Variants in MUC5B observed in about 807,000 individuals in gnomAD.
MUC5B encodes mucin 5B, oligomeric mucus/gel-forming.
MUC5B carries 116 observed loss-of-function variants against 376.9 expected under a neutral mutation model. That is an observed-to-expected ratio of 0.31 (90% CI 0.26 to 0.36). MUC5B has a LOEUF of 0.36. Ranked by LOEUF, MUC5B falls within the 10% of genes least tolerant of loss-of-function variation. The probability of loss-of-function intolerance (pLI) is 1.00; values close to 1 mark genes in which losing one functional copy is unlikely to be tolerated. For missense variants in MUC5B, 7,165 were observed against 7,769.9 expected (o/e 0.92, Z 2.93); for synonymous variants, 3,517 against 3,390.9 (o/e 1.04, Z -1.29).
rs771910415 is a variant in MUC5B at position 1,244,748 on chromosome 11, G to A, written c.7868G>A (p.Ser2623Asn). Residue 2623 changes from serine (S) to asparagine (N), a missense_variant, in exon 31 of 49, where the codon AGC (serine) becomes AAC (asparagine). Transcript: ENST00000529681. The stretch of plus-strand genomic sequence containing the variant: ...GGCTTCACAGCCACCCCCTCCTCCA[G>A]CCCAGGGACGGCACGCACGCTTCCA... ...TTGFTATPSSSPGTARTLPVW... is the reference protein window; with the variant it reads ...TTGFTATPSSNPGTARTLPVW... The A allele has an allele frequency of 6.8e-6, 11 of 1,611,710 alleles. No homozygotes were observed. Among genetic ancestry groups the A allele is most frequent in the Non-Finnish European group, 8.5e-6 (10 of 1,178,868 alleles).
intron 1 of MUC5B, among the ~76,000 whole-genome samples, chr11:1,225,479 G>A (rs181266943): frequency 1.6e-4 from 25 of 152,342 alleles, no homozygotes; most frequent in African/African-American, 5.3e-4. Context: ...TGCGGCTGAC[G>A]GTTGGGGTGG....
chr11:1,223,312 G>C lies in MUC5B; in HGVS notation c.70+119G>C. ...CGGGCAGATCCCCCTACGACTCCCT[G>C]AGTGTCCTGGATGGGACCCTACCCG... On this transcript the variant is annotated intron_variant, in intron 1 of 48. Transcript: ENST00000529681. 3 of 693,344 alleles carry C rather than the reference G, an allele frequency of 4.3e-6. No homozygotes were observed. In the Admixed American group the frequency reaches 6.0e-5, roughly 14 times the overall value. 42.9% of individuals were successfully genotyped at this position (693,344 alleles called of 1,614,324 possible).
Position 1,243,494 on chromosome 11 carries a change from G to A in MUC5B, c.6614G>A (p.Ser2205Asn). ...ACACACGGGCGATCCCTGCCCCCCA[G>A]CAGTCCCCACACGGTGCGCACAGCC... ...ATTHGRSLPP[S>N]SPHTVRTAWT... is the part of the protein sequence containing the mutation. The change falls in exon 31 of 49, where the codon AGC becomes AAC. Residue 2205 changes from serine to asparagine, a missense_variant. Physicochemically the swap from Ser to Asn is conservative, Grantham distance 46. This residue lies in a region of MUC5B where 67 missense variants were observed against 103.0 expected (regional missense o/e 0.65). Transcript: ENST00000529681. The A allele has an allele frequency of 6.3e-7, 1 of 1,590,586 alleles. No individual in the cohort carries two copies. Among genetic ancestry groups the A allele is most frequent in the Non-Finnish European group, 8.5e-7 (1 of 1,170,226 alleles).
Position 1,251,261 on chromosome 11 carries a change from C to T in MUC5B, c.14381C>T (p.Thr4794Ile), listed in dbSNP as rs371253557. The T allele has an allele frequency of 1.9e-5, 31 of 1,611,432 alleles. 4 individuals carry two copies. Among genetic ancestry groups the T allele is most frequent in the Non-Finnish European group, 2.5e-5 (29 of 1,178,370 alleles). ...ACCACCCACACCTCCACAGTGCTGA[C>T]CACCACAGCCACCATGACAAGGGCC... is the stretch of plus-strand genomic sequence containing the variant. Reference protein sequence around the residue: ...PETTHTSTVLTTTATMTRATN... With the variant: ...PETTHTSTVLITTATMTRATN... Residue 4794 changes from threonine to isoleucine, a missense_variant, in exon 31 of 49, where the codon ACC (threonine) becomes ATC (isoleucine). Thr to Ile is a moderately conservative substitution (Grantham distance 89). This residue lies in a region of MUC5B where 730 missense variants were observed against 592.7 expected (regional missense o/e 1.23). Coordinates refer to ENST00000529681, the MANE Select transcript of MUC5B (RefSeq NM_002458.3).
intron 5 of MUC5B, 81 bp downstream of exon 5, chr11:1,227,226 C>A: frequency 6.4e-7 from 1 of 1,570,844 alleles, no homozygotes; most frequent in Non-Finnish European, 8.7e-7. Context: ...CCTCCCTGGG[C>A]TTGGGGTCAC....
rs368208928 is a variant in MUC5B at position 1,233,799 on chromosome 11, T to C, written c.2328T>C (p.Cys776=). 6.2e-7 allele frequency: 1 copy of C among 1,605,108 alleles called. No individual in the cohort carries two copies. Among genetic ancestry groups the C allele is most frequent in the African/African-American group, 1.3e-5 (1 of 74,764 alleles). ...TGCCGTCTGTCTCTTGTAGTTCATGTACGGGTGGGAAGCTAAGCTGCCTGG... is the reference window on the plus strand; with the variant it reads ...TGCCGTCTGTCTCTTGTAGTTCATGCACGGGTGGGAAGCTAAGCTGCCTGG... The part of the protein sequence containing the change: ...VVHDEGAVCS[C]TGGKLSCLGA... The change falls in exon 19 of 49, where the codon TGT becomes TGC. Residue 776 remains cysteine, a synonymous_variant. Transcript: ENST00000529681.
rs538248955 is a variant in MUC5B at position 1,253,073 on chromosome 11, C to A, written c.15217+93C>A. The stretch of plus-strand genomic sequence containing the variant: ...TGGCAGAATGGGGCATGGTGGGGCA[C>A]AGTGGGGTGCAGTGGGGAATGGTGG... On this transcript the variant is annotated intron_variant, in intron 33 of 48. Transcript: ENST00000529681. This position sits in a 1 kb window ranked among gnomAD's most constrained non-coding sequence, Gnocchi z 4.3. 6 of 1,233,084 alleles carry A rather than the reference C, an allele frequency of 4.9e-6. No homozygotes were observed. The African/African-American group carries it at 1.0e-4, about 21-fold the overall frequency. 76.4% of individuals were successfully genotyped at this position (1,233,084 alleles called of 1,614,324 possible). A position where few individuals can be genotyped will look rare whatever the true frequency, so the allele number is the denominator to read the frequency against.
In MUC5B at chr11:1,247,673, A is replaced by T; in HGVS notation, c.10793A>T (p.Tyr3598Phe). ...PGPSGGDFDTYSNIRAAGGAV... is the reference protein window; with the variant it reads ...PGPSGGDFDTFSNIRAAGGAV... ...CCCTCTGGCGGGGACTTTGACACCT[A>T]CTCCAACATCCGTGCGGCCGGAGGG... The change falls in exon 31 of 49, where the codon TAC becomes TTC. Residue 3598 changes from tyrosine to phenylalanine, a missense_variant. Physicochemically the swap from Tyr to Phe is conservative, Grantham distance 22. Transcript: ENST00000529681. 1.9e-6 allele frequency: 3 copies of T among 1,596,890 alleles called. No individual in the cohort carries two copies. Among genetic ancestry groups the T allele is most frequent in the Non-Finnish European group, 2.6e-6 (3 of 1,170,138 alleles).
rs1405666481 is a variant in MUC5B at position 1,247,537 on chromosome 11, C to G, written c.10657C>G (p.Leu3553Val). 11 of 1,610,884 alleles carry G rather than the reference C, an allele frequency of 6.8e-6. 1 individual carries two copies. Among genetic ancestry groups the G allele is most frequent in the Non-Finnish European group, 9.3e-6 (11 of 1,179,416 alleles). The stretch of plus-strand genomic sequence containing the variant: ...ACCCAGCAAGACCCGCACCTCGACC[C>G]TGCTGCCCAGCAGCCCCACATCGGC... ...ATPSKTRTST[L>V]LPSSPTSAPI... The change falls in exon 31 of 49, where the codon CTG (leucine) becomes GTG (valine). Residue 3553 changes from leucine (L) to valine (V), a missense_variant. Coordinates refer to ENST00000529681, the MANE Select transcript of MUC5B (RefSeq NM_002458.3).
At chr11:1,240,012 C>A (rs767521353) in intron 28 of MUC5B, 33 bp from the exon 29 acceptor site, 41 of 1,594,916 alleles carry the variant, frequency 2.6e-5, no homozygotes, top group Admixed American at 6.9e-5. Context: ...GGCTGCCCCC[C>A]AGGCCCTCAG....
rs754560275 is a variant in MUC5B at position 1,251,415 on chromosome 11, C to G, written c.14535C>G (p.Thr4845=). The G allele has an allele frequency of 1.9e-6, 3 of 1,612,730 alleles. No homozygotes were observed. The highest frequency in any genetic ancestry group is 3.3e-5 in the Admixed American group (2 of 59,992). Residue 4845 remains threonine (T), a synonymous_variant, in exon 31 of 49, where the codon ACC becomes ACG. Transcript: ENST00000529681. Reference sequence around the variant, plus strand: ...CCCTGTCCTCCACCCCAGGGACCACCTGGATCCTCACAGAGCCGAGCACTA... The same window carrying G: ...CCCTGTCCTCCACCCCAGGGACCACGTGGATCCTCACAGAGCCGAGCACTA... ...TATLSSTPGT[T]WILTEPSTIA...
chr11:1,235,002 A>G (rs1273487071), intron 21 of MUC5B, 83 bp from the exon 22 acceptor site: 17 of 1,507,118 alleles, frequency 1.1e-5, no homozygotes, highest in Non-Finnish European at 1.5e-5. Context: ...CCCCGTGCTG[A>G]CCTGCACAGG....
Position 1,247,732 on chromosome 11 carries a change from C to T in MUC5B, c.10852C>T (p.Arg3618Cys). The stretch of plus-strand genomic sequence containing the variant: ...TGAGCAGCCCCTGGGCCTCGAGTGC[C>T]GTGCCCAGGCCCAGCCTGGTGTCCC... ...VCEQPLGLEC[R>C]AQAQPGVPLR... Residue 3618 changes from arginine to cysteine, a missense_variant, in exon 31 of 49, where the codon CGT becomes TGT. By Grantham distance (180) the Arg-to-Cys change is radical (BLOSUM62 -3). Around this residue, in one of 31 missense-constraint regions of MUC5B, gnomAD observed 81 missense variants for 154.5 expected, o/e 0.52. Transcript: ENST00000529681. 6.2e-7 allele frequency: 1 copy of T among 1,604,758 alleles called. No homozygotes were observed. Among genetic ancestry groups the T allele is most frequent in the Non-Finnish European group, 8.5e-7 (1 of 1,176,058 alleles).
chr11:1,257,849 G>A lies in MUC5B; in HGVS notation c.16450+139G>A. Reference sequence around the variant, plus strand: ...GGCGTGACCGCGGCAGGACCACTCGGCAGAGATGGCCTCCAGGTGCTTCAT... The same window carrying A: ...GGCGTGACCGCGGCAGGACCACTCGACAGAGATGGCCTCCAGGTGCTTCAT... On this transcript the variant is annotated intron_variant, in intron 41 of 48. Transcript: ENST00000529681. This position sits in a 1 kb window ranked among gnomAD's most constrained non-coding sequence, Gnocchi z 8.9. The A allele has an allele frequency of 1.8e-6, 2 of 1,085,766 alleles. No homozygotes were observed. The highest frequency in any genetic ancestry group is 2.6e-6 in the Non-Finnish European group (2 of 775,912). 67.3% of individuals were successfully genotyped at this position (1,085,766 alleles called of 1,614,324 possible).
intron 14 of MUC5B, 69 bp downstream of exon 14, chr11:1,231,629 A>G (rs1038273467): frequency 2.1e-6 from 3 of 1,448,888 alleles, no homozygotes; most frequent in Non-Finnish European, 1.8e-6. Context: ...GCCAGGCTGC[A>G]GGGAGGGGCA....
intron 8 of MUC5B, 24 bp from the exon 9 acceptor site, chr11:1,229,146 C>A: frequency 2.6e-6 from 4 of 1,559,748 alleles, no homozygotes; most frequent in Non-Finnish European, 2.6e-6. Context: ...TTCCCCTGGC[C>A]CAGCCCCACC....
rs550931596 is a variant in MUC5B at position 1,236,339 on chromosome 11, C to G, written c.2881-47C>G. 50 of 1,564,540 alleles carry G rather than the reference C, an allele frequency of 3.2e-5. No individual in the cohort carries two copies. In the African/African-American group the frequency reaches 6.0e-4, roughly 19 times the overall value. ...GCATCCCTGGGTCTCAGGCCCCTCC[C>G]TGGGGGCCACAGGGTCGGCTTCCGG... On this transcript the variant is annotated intron_variant, in intron 23 of 48. Transcript: ENST00000529681.
Position 1,258,471 on chromosome 11 carries a change from T to C in MUC5B, c.16593+104T>C, listed in dbSNP as rs1408836321. 19 of 1,381,304 alleles carry C rather than the reference T, an allele frequency of 1.4e-5. No individual in the cohort carries two copies. The East Asian group carries it at 4.1e-4, about 30-fold the overall frequency. The allele number at this position is 1,381,304 out of a possible 1,614,324, so 85.6% of individuals were successfully genotyped here. A position where few individuals can be genotyped will look rare whatever the true frequency, so the allele number is the denominator to read the frequency against. Reference sequence around the variant, plus strand: ...ACTCCTTGTCTTGACATTCCTGCCCTGAGGGCCGATCCGCACAGGGGCCCT... The same window carrying C: ...ACTCCTTGTCTTGACATTCCTGCCCCGAGGGCCGATCCGCACAGGGGCCCT... On this transcript the variant is annotated intron_variant, in intron 43 of 48. Transcript: ENST00000529681. The surrounding 1 kb of genome is among the most constrained non-coding windows in gnomAD (Gnocchi z 5.5).
intron 23 of MUC5B, 83 bp downstream of exon 23, chr11:1,235,496 G>T: frequency 1.7e-6 from 2 of 1,173,162 alleles, no homozygotes; most frequent in Non-Finnish European, 2.5e-6. Flanking sequence ...GGCTTTAGCT[G>T]CACCCACAGG....
Sources: allele counts gnomAD v4.1 joint callset (sites outside exome capture counted in the v4.1 genomes callset), GRCh38; gene constraint gnomAD v4.1.1; regional missense constraint gnomAD v4.1.1; non-coding constraint Gnocchi (gnomAD v3.1); transcripts MANE v1.5; gene names NCBI Gene and HGNC (gene_info 2026-07-23, HGNC 2026-07-21).